Variants in BDNF observed in about 807,000 individuals in gnomAD.
BDNF encodes neurotrophic factor BDNF precursor form.
A neutral mutation model predicts 19.5 loss-of-function variants in BDNF; 1 was observed. That is an observed-to-expected ratio of 0.05 (90% CI 0.02 to 0.24). The LOEUF (loss-of-function observed/expected upper bound fraction) is 0.24, where lower values mean the gene tolerates loss of function less well. BDNF is among the 10% of genes least tolerant of loss of function. The probability of loss-of-function intolerance (pLI) is 1.00; values close to 1 mark genes in which losing one functional copy is unlikely to be tolerated. For synonymous variants in BDNF, 100 were observed against 121.6 expected (o/e 0.82, Z 1.17); for missense variants, 195 against 317.6 (o/e 0.61, Z 2.93).
At chr11:27,680,843 A>G (rs1015126271) in intron 1 of BDNF, among the ~76,000 whole-genome samples, 2 of 152,184 alleles carry the variant, frequency 1.3e-5, no homozygotes, top group African/African-American at 4.8e-5. Context: ...CTGGTAATCA[A>G]TTATCTTCCT....
chr11:27,700,731 G>T (rs61888800), upstream of BDNF: 276,901 of 1,184,476 alleles, frequency 0.23, 34,479 homozygotes, highest in Non-Finnish European at 0.26. Flanking sequence ...CTCCTGGGGC[G>T]CCTTGGACAG....
At chr11:27,685,829 A>ATTTTAGAATAATTTTAGG (rs1857413996) in intron 1 of BDNF, among the ~76,000 whole-genome samples, 9 of 49,178 alleles carry the variant, frequency 1.8e-4, no homozygotes, top group Middle Eastern at 0.011. Flanking sequence ...TTATGTGGTC[A>ATTTTAGAATAATTTTAGG]ATTTTAGAAT....
intron 1 of BDNF, among the ~76,000 whole-genome samples, chr11:27,661,845 C>T (rs959986209): frequency 3.9e-5 from 6 of 152,176 alleles, no homozygotes; most frequent in Non-Finnish European, 8.8e-5. Context: ...TCCTCTCTCC[C>T]TCTCACTTGC....
intron 1 of BDNF, among the ~76,000 whole-genome samples, chr11:27,708,808 T>A (rs1860211419): frequency 6.7e-6 from 1 of 149,964 alleles, no homozygotes; most frequent in South Asian, 2.1e-4. Flanking sequence ...ATAGATATAA[T>A]TAATTTTAGA....
chr11:27,693,175 G>C (rs567509216), intron 1 of BDNF, among the ~76,000 whole-genome samples: 19 of 152,272 alleles, frequency 1.2e-4, no homozygotes, highest in African/African-American at 4.3e-4. Flanking sequence ...TCTAGATACA[G>C]TCTATTTAAA....
At chr11:27,697,114 T>C (rs61888764) in intron 1 of BDNF, among the ~76,000 whole-genome samples, 5 of 148,328 alleles carry the variant, frequency 3.4e-5, no homozygotes, top group Non-Finnish European at 4.5e-5. Context: ...TCTCTCTCTC[T>C]CCCCCTCTAC....
At chr11:27,701,657 G>C (rs1859903450), upstream of BDNF, 3 of 981,422 alleles carry the variant, frequency 3.1e-6, no homozygotes, top group Non-Finnish European at 3.6e-6. Context: ...AGGGCTCCAC[G>C]GTGCCTTGAC....
chr11:27,703,809 T>G (rs1164661787), upstream of BDNF, among the ~76,000 whole-genome samples: 1 of 152,156 alleles, frequency 6.6e-6, no homozygotes, highest in Non-Finnish European at 1.5e-5. Flanking sequence ...TTGTAAGCAT[T>G]TCCAAACTTT....
chr11:27,721,726 T>C, exon 1 of BDNF: 1 of 480,220 alleles, frequency 2.1e-6, no homozygotes, highest in Non-Finnish European at 3.8e-6. Context: ...TTCTAATGAA[T>C]GAGCGAGGTT....
chr11:27,712,751 G>C (rs1307646414), intron 1 of BDNF, among the ~76,000 whole-genome samples: 1 of 151,554 alleles, frequency 6.6e-6, no homozygotes, highest in Non-Finnish European at 1.5e-5. Context: ...CTGACCTCAA[G>C]TGATCCACCC....
At position 27,663,971 on chromosome 11, in the gene BDNF, A is replaced by T. The variant is rs190084327; in HGVS notation, c.-21-5386T>A. 3.3e-5 allele frequency among the ~76,000 whole-genome samples: 5 copies of T among 152,284 alleles called. No homozygotes were observed. The East Asian group carries it at 9.6e-4, about 29-fold the overall frequency. Reference sequence around the variant, plus strand: ...AACTGCAAAAATTGTAGCATGTTAGAACTAAGTTTCTATGGCCAAAGGTGG... The same window carrying T: ...AACTGCAAAAATTGTAGCATGTTAGTACTAAGTTTCTATGGCCAAAGGTGG... On this transcript the variant is annotated intron_variant, in intron 1 of 1. Coordinates refer to ENST00000356660, the MANE Select transcript of BDNF (RefSeq NM_001709.5).
At chr11:27,675,669 G>A (rs1856003071) in intron 1 of BDNF, 1 of 152,110 alleles carries the variant, frequency 6.6e-6, no homozygotes, top group Admixed American at 6.6e-5. Flanking sequence ...CGGGAATGTG[G>A]CTAAGGGGCT....
rs377357268 is a variant in BDNF, at chr11:27,680,142, AC to A, written c.-22+20021del. 3.5e-3 allele frequency among the ~76,000 whole-genome samples: 536 copies of A among 152,316 alleles called. 35 individuals are homozygous for A. The South Asian group carries it at 0.11, about 31-fold the overall frequency. On this transcript the variant is annotated intron_variant, in intron 1 of 1. Transcript: ENST00000356660. ...TATTCTCTGAGCACAGGCACTGAGG[AC>A]ATCAAAATGAATGAGACTGAATTTC...
chr11:27,659,584 C>T, intron 1 of BDNF: 1 of 1,000,306 alleles, frequency 1.0e-6, no homozygotes, highest in African/African-American at 1.7e-5. Context: ...ATACACACAT[C>T]TAGCTAAGAA....
intron 1 of BDNF, among the ~76,000 whole-genome samples, chr11:27,710,424 C>T (rs1860276961): frequency 6.6e-6 from 1 of 152,294 alleles, no homozygotes; most frequent in African/African-American, 2.4e-5. Context: ...GAGCTAGTAT[C>T]CAGAGTTCTG....
At chr11:27,660,125 T>C in intron 1 of BDNF, 3 of 983,812 alleles carry the variant, frequency 3.0e-6, no homozygotes, top group Non-Finnish European at 3.8e-6. Context: ...TTTCTGCCCA[T>C]GAAGTTTTAC....
intron 1 of BDNF, among the ~76,000 whole-genome samples, chr11:27,718,259 GA>G (rs1448316711): frequency 6.7e-6 from 1 of 150,226 alleles, no homozygotes; most frequent in African/African-American, 2.4e-5. Flanking sequence ...CAGACAGAAA[GA>G]AAAAAATAAT....
At chr11:27,687,792 A>T (rs1441957757) in intron 1 of BDNF, among the ~76,000 whole-genome samples, 1 of 152,142 alleles carries the variant, frequency 6.6e-6, no homozygotes, top group Non-Finnish European at 1.5e-5. Context: ...TTTGTCCCAG[A>T]GGGGCACCCA....
intron 1 of BDNF, among the ~76,000 whole-genome samples, chr11:27,693,370 G>A (rs560638398): frequency 3.3e-5 from 5 of 152,152 alleles, no homozygotes; most frequent in East Asian, 3.9e-4. Context: ...AACCGTGCCC[G>A]CAACTCTCTA....
Sources: gnomAD v4.1 joint callset for allele counts (sites outside exome capture counted in the v4.1 genomes callset) on GRCh38, gnomAD v4.1.1 for gene constraint, MANE v1.5 for transcripts, NCBI Gene and HGNC (gene_info 2026-07-23, HGNC 2026-07-21) for gene names.